Variants in NFASC observed in about 807,000 individuals in gnomAD.
NFASC encodes neurofascin.
A neutral mutation model predicts 147.5 loss-of-function variants in NFASC; 43 were observed. The ratio of observed to expected loss-of-function variants is 0.29; its 90% confidence interval spans 0.23 to 0.38. The LOEUF (loss-of-function observed/expected upper bound fraction) is 0.38, where lower values mean the gene tolerates loss of function less well. NFASC is among the 10% of genes least tolerant of loss of function. The pLI is 1.00. For synonymous variants in NFASC, 622 were observed against 665.5 expected, an observed-to-expected ratio of 0.93 and a Z score of 1.01; for missense variants, 1,320 against 1,689.0, an observed-to-expected ratio of 0.78 and a Z score of 3.83.
chr1:204,878,205 A>G (rs968226136), intron 1 of NFASC, among the ~76,000 whole-genome samples: 2 of 152,164 alleles, frequency 1.3e-5, no homozygotes, highest in Non-Finnish European at 2.9e-5. Context: ...TAAAAACTTC[A>G]CCTTCTTTTA....
intron 1 of NFASC, among the ~76,000 whole-genome samples, chr1:204,858,976 G>A (rs1298338929): frequency 6.8e-6 from 1 of 146,096 alleles, no homozygotes; most frequent in Non-Finnish European, 1.5e-5. Flanking sequence ...TGAATGCACT[G>A]ACTTTTTTTT....
In NFASC at chr1:204,903,907, T is replaced by A. The variant is rs79382045; in HGVS notation, c.-199-16725T>A. ...GCTTATCTTTTTATCTTTCACAGGG[T>A]TGTAGGGTGTTTGTTGAAATTTTGC... On this transcript the variant is annotated intron_variant, in intron 1 of 29. Coordinates refer to ENST00000339876, the MANE Select transcript of NFASC (RefSeq NM_001005388.3). 1.3e-3 allele frequency among the ~76,000 whole-genome samples: 205 copies of A among 152,310 alleles called. 4 individuals carry two copies. In the East Asian group the frequency reaches 0.037, roughly 27 times the overall value.
intron 8 of NFASC, among the ~76,000 whole-genome samples, chr1:204,966,941 G>A (rs916714818): frequency 7.9e-5 from 12 of 152,280 alleles, no homozygotes; most frequent in Non-Finnish European, 1.5e-5. Flanking sequence ...GAGCCCCGCC[G>A]GTGCAGCCAG....
chr1:204,966,295 C>G (rs775483602), intron 8 of NFASC, among the ~76,000 whole-genome samples: 1 of 151,974 alleles, frequency 6.6e-6, no homozygotes, highest in African/African-American at 2.4e-5. Context: ...CTGGTGGTGT[C>G]GCGCGTTATG....
At chr1:204,948,449 T>G (rs2093921002) in intron 3 of NFASC, among the ~76,000 whole-genome samples, 1 of 152,190 alleles carries the variant, frequency 6.6e-6, no homozygotes, top group Non-Finnish European at 1.5e-5. Context: ...TCCAACCAAC[T>G]CTTGCTGCCC....
chr1:204,871,125 C>T, intron 1 of NFASC: 2 of 1,284,668 alleles, frequency 1.6e-6, no homozygotes, highest in East Asian at 5.6e-5. Flanking sequence ...CCCCATTCCT[C>T]CTGCTTTGGC....
chr1:205,012,687 T>TC lies in NFASC; in HGVS notation c.3422-109dup. On this transcript the variant is annotated intron_variant, in intron 28 of 29. Transcript: ENST00000339876. ...GATGGTGCCTTGTTAAAAAAGAGTG[T>TC]CAGTGAGCCCAGGGCGGTGCCTTCT... is the stretch of plus-strand genomic sequence containing the variant. 3.7e-6 allele frequency: 3 copies of TC among 816,674 alleles called. 1 individual carries two copies. The highest frequency in any genetic ancestry group is 6.5e-6 in the Non-Finnish European group (3 of 458,242). The allele number at this position is 816,674 out of a possible 1,614,324, so 50.6% of individuals were successfully genotyped here.
chr1:204,882,877 G>A (rs2080547772), intron 1 of NFASC, among the ~76,000 whole-genome samples: 2 of 152,118 alleles, frequency 1.3e-5, no homozygotes, highest in African/African-American at 4.8e-5. Context: ...TCTTAGGATA[G>A]TGTCTCTCAC....
intron 2 of NFASC, among the ~76,000 whole-genome samples, chr1:204,943,004 T>C (rs1439480725): frequency 1.3e-5 from 2 of 152,202 alleles, no homozygotes; most frequent in Non-Finnish European, 2.9e-5. Context: ...CCTGTTCTTA[T>C]CTTCTGCACC....
At chr1:204,974,630 C>T in intron 13 of NFASC, 27 bp from the exon 14 acceptor site, 1 of 1,613,828 alleles carries the variant, frequency 6.2e-7, no homozygotes, top group Non-Finnish European at 8.5e-7. Context: ...TCTCAGGATG[C>T]TGTGTGTTCT....
intron 8 of NFASC, chr1:204,967,837 G>C (rs1241642353): frequency 5.9e-6 from 1 of 169,614 alleles, no homozygotes; most frequent in Non-Finnish European, 1.3e-5. Flanking sequence ...TGCCTTCTCT[G>C]CTTCCAGATC....
intron 21 of NFASC, among the ~76,000 whole-genome samples, chr1:204,985,444 C>A (rs937437900): frequency 5.3e-5 from 8 of 152,242 alleles, no homozygotes; most frequent in African/African-American, 1.9e-4. Flanking sequence ...TAACTTGCTA[C>A]CTTTCAACTG....
intron 1 of NFASC, among the ~76,000 whole-genome samples, chr1:204,905,893 TAAG>T (rs1292844888): frequency 6.6e-6 from 1 of 152,210 alleles, no homozygotes; most frequent in Non-Finnish European, 1.5e-5. Context: ...AAGCAACAGA[TAAG>T]AAATCCTTTG....
chr1:205,011,092 G>A (rs1002082039), intron 28 of NFASC, among the ~76,000 whole-genome samples: 1 of 152,014 alleles, frequency 6.6e-6, no homozygotes, highest in African/African-American at 2.4e-5. Flanking sequence ...GCAAAGATCT[G>A]GCTGGACCAC....
chr1:205,020,562 T>G lies in NFASC; in HGVS notation c.*4023T>G, dbSNP rs1313960759. The G allele has an allele frequency of 6.6e-6, 1 of 152,248 alleles. No individual in the cohort carries two copies. The highest frequency in any genetic ancestry group is 2.4e-5 in the African/African-American group (1 of 41,452). 9.4% of individuals were successfully genotyped at this position (152,248 alleles called of 1,614,324 possible). A position where few individuals can be genotyped will look rare whatever the true frequency, so the allele number is the denominator to read the frequency against. ...GTTGGCAGCACCTAGAGAGAGCATC[T>G]GAGCTGAAGGAGTGGGAAACTTTGC... On this transcript the variant is annotated 3_prime_UTR_variant, in exon 30 of 30. Coordinates refer to ENST00000339876, the MANE Select transcript of NFASC (RefSeq NM_001005388.3).
intron 3 of NFASC, chr1:204,944,683 G>A (rs529503642): frequency 6.7e-5 from 28 of 418,182 alleles, no homozygotes; most frequent in Non-Finnish European, 9.7e-5. Context: ...TAGAGGTGGC[G>A]GAGTTTGGGA....
At chr1:204,948,975 A>G (rs1346644502) in intron 3 of NFASC, among the ~76,000 whole-genome samples, 6 of 152,212 alleles carry the variant, frequency 3.9e-5, no homozygotes, top group Admixed American at 6.5e-5. Context: ...TGGCAAGAAT[A>G]TCACATATGG....
At chr1:204,844,378 T>C (rs991791896) in intron 1 of NFASC, among the ~76,000 whole-genome samples, 13 of 152,226 alleles carry the variant, frequency 8.5e-5, no homozygotes, top group African/African-American at 3.1e-4. Context: ...GGTAGCTTCA[T>C]GCTCTGCCTT....
intron 1 of NFASC, among the ~76,000 whole-genome samples, chr1:204,897,450 T>G (rs2083598017): frequency 6.6e-6 from 1 of 152,194 alleles, no homozygotes; most frequent in Non-Finnish European, 1.5e-5. Context: ...AGCAATCTTG[T>G]TCCCAATTTA....
Sources: allele counts gnomAD v4.1 joint callset (sites outside exome capture counted in the v4.1 genomes callset), GRCh38; gene constraint gnomAD v4.1.1; transcripts MANE v1.5; gene names NCBI Gene and HGNC (gene_info 2026-07-23, HGNC 2026-07-21).